The following TM9SF2 variants were observed in gnomAD, a reference collection of about 807,000 sequenced individuals.
TM9SF2 encodes transmembrane 9 superfamily member 2.
Under a neutral mutation model 84.9 loss-of-function variants are expected in TM9SF2, and 13 were observed. The observed-to-expected ratio is 0.15, with a 90% CI of 0.10 to 0.24. The LOEUF is 0.24. TM9SF2 is among the 10% of genes least tolerant of loss of function. The probability of loss-of-function intolerance (pLI) is 1.00; values close to 1 mark genes in which losing one functional copy is unlikely to be tolerated. For missense variants in TM9SF2, 562 were observed against 818.5 expected, an observed-to-expected ratio of 0.69 and a Z score of 3.82; for synonymous variants, 273 against 285.8, an observed-to-expected ratio of 0.96 and a Z score of 0.45.
rs12585213 is a variant in TM9SF2 at position 99,529,120 on chromosome 13, C to G, written c.334-347C>G. Among the ~76,000 whole-genome samples, 6 of 152,210 alleles carry G rather than the reference C, an allele frequency of 3.9e-5. No individual in the cohort carries two copies. In the Middle Eastern group the frequency reaches 0.01, roughly 259 times the overall value. Reference sequence around the variant, plus strand: ...TAGAAAGCCATTAACTCCAGAATTCCTAAGACATGACCATGGGATATTACT... The same window carrying G: ...TAGAAAGCCATTAACTCCAGAATTCGTAAGACATGACCATGGGATATTACT... On this transcript the variant is annotated intron_variant, in intron 3 of 16. Coordinates refer to ENST00000376387, the MANE Select transcript of TM9SF2 (RefSeq NM_004800.3).
At chr13:99,553,051 C>T (rs566052170) in intron 13 of TM9SF2, among the ~76,000 whole-genome samples, 2 of 152,338 alleles carry the variant, frequency 1.3e-5, no homozygotes, top group South Asian at 4.1e-4. Context: ...AGGTTTCAGT[C>T]CTTCCTCCAG....
chr13:99,547,254 C>T (rs1236360605), intron 11 of TM9SF2, 150 bp downstream of exon 11: 2 of 1,194,262 alleles, frequency 1.7e-6, no homozygotes, highest in Non-Finnish European at 2.3e-6. Flanking sequence ...TTGGTGATTC[C>T]TTTTGTGTCA....
intron 1 of TM9SF2, among the ~76,000 whole-genome samples, chr13:99,517,380 C>T (rs2046139273): frequency 6.6e-6 from 1 of 152,236 alleles, no homozygotes; most frequent in Non-Finnish European, 1.5e-5. Context: ...CCACCTCAGC[C>T]TCCTAAGGGG....
chr13:99,520,381 G>C (rs1173703931), intron 3 of TM9SF2, among the ~76,000 whole-genome samples: 1 of 152,124 alleles, frequency 6.6e-6, no homozygotes, highest in African/African-American at 2.4e-5. Flanking sequence ...AAAGGGCAGG[G>C]CTCAGATGCT....
chr13:99,545,951 G>A (rs573730397), intron 10 of TM9SF2, among the ~76,000 whole-genome samples: 4 of 152,314 alleles, frequency 2.6e-5, no homozygotes, highest in East Asian at 3.9e-4. Flanking sequence ...AACTTTTAAG[G>A]AAGGAAAGTT....
At chr13:99,559,860 G>A (rs1177043775) in intron 16 of TM9SF2, among the ~76,000 whole-genome samples, 1 of 150,904 alleles carries the variant, frequency 6.6e-6, no homozygotes, top group African/African-American at 2.4e-5. Flanking sequence ...TTCAGAAATA[G>A]GGTAGAAGCT....
At chr13:99,549,462 CT>C (rs2046296888) in intron 12 of TM9SF2, among the ~76,000 whole-genome samples, 1 of 152,148 alleles carries the variant, frequency 6.6e-6, no homozygotes, top group African/African-American at 2.4e-5. Context: ...TCTTCAAAGT[CT>C]TTCTGTTTCT....
chr13:99,506,117 A>AT (rs2046087758), intron 1 of TM9SF2, among the ~76,000 whole-genome samples: 1 of 152,208 alleles, frequency 6.6e-6, no homozygotes, highest in Non-Finnish European at 1.5e-5. Context: ...TTTTAGAAGC[A>AT]TTTTATAAGT....
intron 3 of TM9SF2, among the ~76,000 whole-genome samples, chr13:99,521,026 A>G (rs183883687): frequency 5.9e-5 from 9 of 152,286 alleles, no homozygotes; most frequent in South Asian, 4.2e-4. Context: ...TTTTAAGCCT[A>G]TTATCCTTCC....
intron 1 of TM9SF2, among the ~76,000 whole-genome samples, chr13:99,512,893 T>C (rs4079874): frequency 0.098 from 14,870 of 152,160 alleles, 873 homozygotes; most frequent in East Asian, 0.21. Flanking sequence ...GTTTTAAATT[T>C]AGAAAAGAGA....
chr13:99,528,129 A>T (rs2046192037), intron 3 of TM9SF2, among the ~76,000 whole-genome samples: 1 of 152,252 alleles, frequency 6.6e-6, no homozygotes, highest in African/African-American at 2.4e-5. Flanking sequence ...AATATTTAAA[A>T]ATCCTTAGCA....
chr13:99,526,115 G>A (rs919892692), intron 3 of TM9SF2, among the ~76,000 whole-genome samples: 2 of 152,196 alleles, frequency 1.3e-5, no homozygotes, highest in African/African-American at 2.4e-5. Flanking sequence ...CCTCAGTGAA[G>A]TAGGCAGCAT....
intron 1 of TM9SF2, among the ~76,000 whole-genome samples, chr13:99,511,713 A>G (rs901524047): frequency 6.6e-6 from 1 of 152,238 alleles, no homozygotes; most frequent in African/African-American, 2.4e-5. Flanking sequence ...GTGTTTGATT[A>G]CTTTGCTGAA....
intron 1 of TM9SF2, among the ~76,000 whole-genome samples, chr13:99,512,112 T>C (rs2139072730): frequency 6.6e-6 from 1 of 152,326 alleles, no homozygotes; most frequent in Non-Finnish European, 1.5e-5. Context: ...CTTGGATGGA[T>C]GGGAGACGAG....
chr13:99,527,515 C>T lies in TM9SF2; in HGVS notation c.334-1952C>T, dbSNP rs537622971. Among the ~76,000 whole-genome samples, 3 of 152,270 alleles carry T rather than the reference C, an allele frequency of 2.0e-5. No homozygotes were observed. The South Asian group carries it at 6.2e-4, about 32-fold the overall frequency. ...AAGAACAGCGTGGGGTACCGCCCCCCATGATCTAATCACCTCCCACGAGGT... is the reference window on the plus strand; with the variant it reads ...AAGAACAGCGTGGGGTACCGCCCCCTATGATCTAATCACCTCCCACGAGGT... On this transcript the variant is annotated intron_variant, in intron 3 of 16. Transcript: ENST00000376387.
At chr13:99,552,049 G>C in intron 12 of TM9SF2, 118 bp from the exon 13 acceptor site, 2 of 968,314 alleles carry the variant, frequency 2.1e-6, no homozygotes, top group Non-Finnish European at 2.9e-6. Context: ...CTGTGATGCA[G>C]CAATTCCACT....
chr13:99,555,298 A>G (rs955080560), intron 14 of TM9SF2, among the ~76,000 whole-genome samples: 3 of 152,168 alleles, frequency 2.0e-5, no homozygotes, highest in African/African-American at 4.8e-5. Context: ...CCATATGTAA[A>G]TAAGTAGAAG....
intron 13 of TM9SF2, among the ~76,000 whole-genome samples, chr13:99,552,534 TGAATA>T (rs1339606821): frequency 6.6e-6 from 1 of 152,194 alleles, no homozygotes; most frequent in Non-Finnish European, 1.5e-5. Flanking sequence ...GTTTTTTAAG[TGAATA>T]GAAGCTAATA....
At chr13:99,506,897 T>G (rs761604478) in intron 1 of TM9SF2, among the ~76,000 whole-genome samples, 1 of 152,232 alleles carries the variant, frequency 6.6e-6, no homozygotes, top group Non-Finnish European at 1.5e-5. Context: ...AGTTTTGTAG[T>G]TAATTTTAGC....
Sources: allele counts gnomAD v4.1 joint callset (sites outside exome capture counted in the v4.1 genomes callset), GRCh38; gene constraint gnomAD v4.1.1; transcripts MANE v1.5; gene names NCBI Gene and HGNC (gene_info 2026-07-23, HGNC 2026-07-21).